TUSC3: variants seen among roughly 807,000 people sequenced by gnomAD.
TUSC3 encodes the protein tumor suppressor candidate 3.
Under a neutral mutation model 44.8 loss-of-function variants are expected in TUSC3, and 45 were observed. That is an observed-to-expected ratio of 1.00 (90% CI 0.79 to 1.29). The LOEUF (loss-of-function observed/expected upper bound fraction) is 1.29, where lower values mean the gene tolerates loss of function less well. TUSC3 is among the 50% of genes most tolerant of loss of function. The pLI is 0.00. For missense variants in TUSC3, 519 were observed against 437.9 expected (o/e 1.19, Z -1.65); for synonymous variants, 212 against 152.9 (o/e 1.39, Z -2.85).
At chr8:15,850,514 G>A in the TUSC3 span, among the ~76,000 whole-genome samples, 1 of 151,748 alleles carries the variant, frequency 6.6e-6, no homozygotes, top group Non-Finnish European at 1.5e-5. Flanking sequence ...GTTTTGATTC[G>A]CTTCTCATAT....
At chr8:15,761,473 T>C (rs1213098952) in intron 10 of TUSC3, among the ~76,000 whole-genome samples, 1 of 152,208 alleles carries the variant, frequency 6.6e-6, no homozygotes, top group East Asian at 1.9e-4. Context: ...ATCTATCTTA[T>C]CCCTTGTGTG....
At chr8:15,788,642 G>C in the TUSC3 span, among the ~76,000 whole-genome samples, 1 of 152,030 alleles carries the variant, frequency 6.6e-6, no homozygotes, top group African/African-American at 2.4e-5. Context: ...CCCCGGGGCT[G>C]ATGGAAACAT....
chr8:15,786,026 G>A, the TUSC3 span, among the ~76,000 whole-genome samples: 1 of 152,138 alleles, frequency 6.6e-6, no homozygotes, highest in Admixed American at 6.6e-5. Flanking sequence ...ACATTCTTGA[G>A]ATGTTTTAAA....
chr8:15,621,323 G>C (rs538120612), intron 1 of TUSC3, among the ~76,000 whole-genome samples: 2 of 151,210 alleles, frequency 1.3e-5, no homozygotes, highest in Non-Finnish European at 2.9e-5. Flanking sequence ...ACTATTAAAT[G>C]GTGCTTAACA....
chr8:15,508,320 G>A (rs1246228362), intron 2 of TUSC3, among the ~76,000 whole-genome samples: 2 of 152,116 alleles, frequency 1.3e-5, no homozygotes, highest in African/African-American at 4.8e-5. Context: ...TTTGTTGGAT[G>A]TGATATCCTA....
the TUSC3 span, among the ~76,000 whole-genome samples, chr8:15,779,641 A>C: frequency 6.6e-6 from 1 of 152,200 alleles, no homozygotes; most frequent in Non-Finnish European, 1.5e-5. Context: ...AAGAGTAAAA[A>C]TGTAACATAT....
chr8:15,686,587 T>C (rs1303854321), intron 6 of TUSC3, among the ~76,000 whole-genome samples: 1 of 152,052 alleles, frequency 6.6e-6, no homozygotes, highest in Admixed American at 6.6e-5. Context: ...TGCTAGGTCT[T>C]TGAGAGTCAT....
At chr8:15,754,441 G>A (rs769012389) in intron 9 of TUSC3, among the ~76,000 whole-genome samples, 1 of 152,104 alleles carries the variant, frequency 6.6e-6, no homozygotes, top group Non-Finnish European at 1.5e-5. Context: ...GAGATCAACT[G>A]CTAGTACAGA....
At chr8:15,470,352 G>A (rs546056234) in intron 1 of TUSC3, among the ~76,000 whole-genome samples, 6 of 151,778 alleles carry the variant, frequency 4.0e-5, no homozygotes, top group South Asian at 2.1e-4. Context: ...TACAACTAAC[G>A]TTCATGATAT....
chr8:15,564,365 G>A lies in TUSC3; in HGVS notation c.138+23797G>A, dbSNP rs188879707. Reference sequence around the variant, plus strand: ...GAAATATTCATATACAAATCTTAACGTCATCCAGCTGTCAACAGAGTAGTA... The same window carrying A: ...GAAATATTCATATACAAATCTTAACATCATCCAGCTGTCAACAGAGTAGTA... On this transcript the variant is annotated intron_variant, in intron 1 of 10. Transcript: ENST00000503731. Among the ~76,000 whole-genome samples, 616 of 152,152 alleles carry A rather than the reference G, an allele frequency of 4.0e-3. 13 individuals carry two copies. Among genetic ancestry groups the A allele is most frequent in the Non-Finnish European group, 9.3e-4 (63 of 68,018 alleles).
intron 6 of TUSC3, among the ~76,000 whole-genome samples, chr8:15,694,876 A>G (rs1210905144): frequency 1.3e-5 from 2 of 152,164 alleles, no homozygotes; most frequent in Non-Finnish European, 2.9e-5. Flanking sequence ...GGAAGGTGGC[A>G]GTGAGATTCG....
chr8:15,488,318 C>A (rs909812038), intron 2 of TUSC3, among the ~76,000 whole-genome samples: 4 of 151,548 alleles, frequency 2.6e-5, no homozygotes, highest in African/African-American at 9.7e-5. Context: ...ACAACATAGA[C>A]CCCATCTCTA....
At chr8:15,665,208 A>C (rs1807606054) in intron 5 of TUSC3, among the ~76,000 whole-genome samples, 1 of 151,558 alleles carries the variant, frequency 6.6e-6, no homozygotes, top group Non-Finnish European at 1.5e-5. Context: ...GAAAGCTCTT[A>C]AAATAAAACA....
intron 1 of TUSC3, among the ~76,000 whole-genome samples, chr8:15,608,791 G>A (rs1433025347): frequency 2.0e-5 from 3 of 152,112 alleles, no homozygotes; most frequent in East Asian, 1.9e-4. Context: ...CCAGCCATGC[G>A]TAACTGTCAG....
chr8:15,614,088 T>C (rs1431836401), intron 1 of TUSC3, among the ~76,000 whole-genome samples: 2 of 151,712 alleles, frequency 1.3e-5, no homozygotes, highest in Non-Finnish European at 2.9e-5. Flanking sequence ...TATTTTTTTC[T>C]CCCCTAAAGA....
At chr8:15,590,132 A>G (rs1320917737) in intron 1 of TUSC3, among the ~76,000 whole-genome samples, 1 of 152,190 alleles carries the variant, frequency 6.6e-6, no homozygotes, top group Non-Finnish European at 1.5e-5. Flanking sequence ...GATAGATGAC[A>G]TTTATGGATA....
intron 7 of TUSC3, 118 bp downstream of exon 7, chr8:15,730,847 G>T (rs1810693462): frequency 2.2e-6 from 2 of 912,076 alleles, no homozygotes; most frequent in Non-Finnish European, 3.4e-6. Context: ...ATTTTAGGCT[G>T]TACTATATGA....
At chr8:15,526,454 C>A (rs1476774963) in intron 2 of TUSC3, among the ~76,000 whole-genome samples, 1 of 152,224 alleles carries the variant, frequency 6.6e-6, no homozygotes, top group African/African-American at 2.4e-5. Context: ...ACTGTAGCTC[C>A]AACAATTCCC....
chr8:15,815,586 G>T, the TUSC3 span, among the ~76,000 whole-genome samples: 1 of 152,124 alleles, frequency 6.6e-6, no homozygotes, highest in East Asian at 1.9e-4. Flanking sequence ...AATTAGACCT[G>T]GAAACAGAAG....
Sources: gnomAD v4.1 joint callset for allele counts (sites outside exome capture counted in the v4.1 genomes callset) on GRCh38, gnomAD v4.1.1 for gene constraint, MANE v1.5 for transcripts, NCBI Gene and HGNC (gene_info 2026-07-23, HGNC 2026-07-21) for gene names.